The following FTCDNL1 variants were observed in gnomAD, a reference collection of about 807,000 sequenced individuals.
FTCDNL1 encodes formiminotransferase cyclodeaminase N-terminal like.
In FTCDNL1, 11 loss-of-function variants were observed where a neutral mutation model predicts 5.9. The ratio of observed to expected loss-of-function variants is 1.87; its 90% CI spans 1.18 to 3.10. The LOEUF (loss-of-function observed/expected upper bound fraction) is 3.10, where lower values mean the gene tolerates loss of function less well. Among genes scored for constraint, FTCDNL1 ranks in the 30% most tolerant of loss-of-function variants. The pLI, the probability that FTCDNL1 is intolerant of heterozygous loss-of-function variation, is 0.00. For synonymous variants in FTCDNL1, 58 were observed against 24.8 expected (o/e 2.34, Z -3.99); for missense variants, 115 against 65.5 (o/e 1.76, Z -2.61).
At chr2:199,827,553 T>C (rs767483935) in intron 3 of FTCDNL1, among the ~76,000 whole-genome samples, 1 of 152,126 alleles carries the variant, frequency 6.6e-6, no homozygotes, top group Non-Finnish European at 1.5e-5. Flanking sequence ...CTTAGAGATG[T>C]ATATTAATTA....
At chr2:199,722,838 C>T in the FTCDNL1 span, among the ~76,000 whole-genome samples, 20 of 152,248 alleles carry the variant, frequency 1.3e-4, no homozygotes, top group African/African-American at 4.8e-4. Context: ...AGGTCCTTCA[C>T]TTCCCTTGTT....
At chr2:199,825,311 A>G (rs1453917233) in intron 3 of FTCDNL1, among the ~76,000 whole-genome samples, 3 of 152,198 alleles carry the variant, frequency 2.0e-5, no homozygotes, top group Non-Finnish European at 4.4e-5. Context: ...TTTAATTTGT[A>G]AAAAATGCAA....
chr2:199,723,667 T>C, the FTCDNL1 span, among the ~76,000 whole-genome samples: 1 of 152,208 alleles, frequency 6.6e-6, no homozygotes, highest in African/African-American at 2.4e-5. Flanking sequence ...TTCAGTTCCA[T>C]TTATATGATG....
the FTCDNL1 span, among the ~76,000 whole-genome samples, chr2:199,750,149 T>C: frequency 1.3e-5 from 2 of 150,938 alleles, no homozygotes; most frequent in East Asian, 3.9e-4. Flanking sequence ...AGCCCAGGAG[T>C]TCGAGACCAG....
the FTCDNL1 span, among the ~76,000 whole-genome samples, chr2:199,733,461 G>T: frequency 6.6e-6 from 1 of 152,158 alleles, no homozygotes; most frequent in Admixed American, 6.5e-5. Flanking sequence ...TTAGGTAAGG[G>T]AGCTGGCAGA....
At chr2:199,806,928 C>G (rs968369326), downstream of FTCDNL1, among the ~76,000 whole-genome samples, 1 of 152,188 alleles carries the variant, frequency 6.6e-6, no homozygotes, top group East Asian at 1.9e-4. Context: ...GGCCTCTTCA[C>G]AGTTGGTGAA....
At chr2:199,693,944 T>C in the FTCDNL1 span, among the ~76,000 whole-genome samples, 2 of 152,232 alleles carry the variant, frequency 1.3e-5, no homozygotes, top group Non-Finnish European at 2.9e-5. Context: ...AGAGAATTTA[T>C]ATCATCTCCT....
At chr2:199,758,700 C>A (rs1488180797), downstream of FTCDNL1, among the ~76,000 whole-genome samples, 3 of 152,162 alleles carry the variant, frequency 2.0e-5, no homozygotes, top group Non-Finnish European at 4.4e-5. Flanking sequence ...GGTTCTTGGA[C>A]CACTAGCATA....
chr2:199,749,231 T>C, the FTCDNL1 span, among the ~76,000 whole-genome samples: 1 of 152,208 alleles, frequency 6.6e-6, no homozygotes, highest in Non-Finnish European at 1.5e-5. Flanking sequence ...GTCTCTTCTC[T>C]CCAGCCTAGG....
At chr2:199,708,102 T>C in the FTCDNL1 span, among the ~76,000 whole-genome samples, 2 of 89,474 alleles carry the variant, frequency 2.2e-5, no homozygotes, top group African/African-American at 3.2e-5. Context: ...AGATTCTGAG[T>C]TTTTTTTCTG....
At chr2:199,775,963 G>A (rs944052754) in intron 3 of FTCDNL1, among the ~76,000 whole-genome samples, 1 of 149,746 alleles carries the variant, frequency 6.7e-6, no homozygotes, top group Non-Finnish European at 1.5e-5. Context: ...GCCCAGGCTG[G>A]AGTGCAGTGG....
chr2:199,694,964 G>T, the FTCDNL1 span, among the ~76,000 whole-genome samples: 2 of 152,182 alleles, frequency 1.3e-5, no homozygotes, highest in African/African-American at 4.8e-5. Context: ...CTAGCTGCAG[G>T]TTTGGTATAG....
intron 3 of FTCDNL1, among the ~76,000 whole-genome samples, chr2:199,823,577 C>T (rs556328130): frequency 1.3e-5 from 2 of 152,300 alleles, no homozygotes; most frequent in South Asian, 4.1e-4. Context: ...ACATCTCCAT[C>T]AGAGCTCTTG....
the FTCDNL1 span, among the ~76,000 whole-genome samples, chr2:199,683,958 C>T: frequency 6.6e-6 from 1 of 152,180 alleles, no homozygotes; most frequent in Non-Finnish European, 1.5e-5. Flanking sequence ...CTTGTAGGTG[C>T]CCAGAGGGCA....
the FTCDNL1 span, among the ~76,000 whole-genome samples, chr2:199,697,684 G>A: frequency 1.3e-5 from 2 of 152,138 alleles, no homozygotes; most frequent in African/African-American, 2.4e-5. Context: ...ACACACTTAA[G>A]TACATAGAAC....
the FTCDNL1 span, among the ~76,000 whole-genome samples, chr2:199,741,725 A>G: frequency 1.3e-5 from 2 of 152,234 alleles, no homozygotes; most frequent in Non-Finnish European, 2.9e-5. Context: ...CACTATAAGA[A>G]GTATTTCAAA....
At chr2:199,828,168 A>G (rs1327985683) in intron 3 of FTCDNL1, among the ~76,000 whole-genome samples, 1 of 152,186 alleles carries the variant, frequency 6.6e-6, no homozygotes, top group Non-Finnish European at 1.5e-5. Context: ...TTTCAAAAAA[A>G]ATCTCATATT....
the FTCDNL1 span, among the ~76,000 whole-genome samples, chr2:199,704,037 GA>G: frequency 3.3e-5 from 5 of 152,036 alleles, no homozygotes; most frequent in African/African-American, 1.2e-4. Context: ...CTGTTTTTCT[GA>G]CGGCCCCTCA....
chr2:199,729,397 A>C, the FTCDNL1 span, among the ~76,000 whole-genome samples: 1 of 152,238 alleles, frequency 6.6e-6, no homozygotes, highest in Non-Finnish European at 1.5e-5. Flanking sequence ...AAATAGGAAG[A>C]CAGGAAGTCA....
Sources: gnomAD v4.1 joint callset for allele counts (sites outside exome capture counted in the v4.1 genomes callset) on GRCh38, gnomAD v4.1.1 for gene constraint, MANE v1.5 for transcripts, NCBI Gene and HGNC (gene_info 2026-07-23, HGNC 2026-07-21) for gene names.